CAMTA1: variants seen among roughly 807,000 people sequenced by gnomAD.
The protein encoded by CAMTA1 is calmodulin binding transcription activator 1.
In CAMTA1, 27 loss-of-function variants were observed where a neutral mutation model predicts 170.9. The ratio of observed to expected loss-of-function variants is 0.16; its 90% CI spans 0.12 to 0.22. CAMTA1 has a LOEUF of 0.22. Ranked by LOEUF, CAMTA1 falls within the 10% of genes least tolerant of loss-of-function variation. The probability of loss-of-function intolerance (pLI) is 1.00; values close to 1 mark genes in which losing one functional copy is unlikely to be tolerated. For synonymous variants in CAMTA1, 833 were observed against 891.5 expected (o/e 0.93, Z 1.17); for missense variants, 1,619 against 2,217.2 (o/e 0.73, Z 5.42).
intron 5 of CAMTA1, among the ~76,000 whole-genome samples, chr1:7,339,225 C>T (rs1022573320): frequency 3.3e-5 from 5 of 152,114 alleles, no homozygotes; most frequent in Non-Finnish European, 7.3e-5. Context: ...TGTGCAACTC[C>T]GTGAATATAC....
intron 3 of CAMTA1, among the ~76,000 whole-genome samples, chr1:7,083,325 C>T (rs550555822): frequency 2.0e-5 from 3 of 152,338 alleles, no homozygotes; most frequent in Non-Finnish European, 2.9e-5. Flanking sequence ...AGTAGAGCTA[C>T]GTTGCATTCC....
intron 5 of CAMTA1, among the ~76,000 whole-genome samples, chr1:7,449,690 A>C (rs913742656): frequency 1.3e-5 from 2 of 149,866 alleles, no homozygotes; most frequent in Non-Finnish European, 3.0e-5. Flanking sequence ...GAATCACTTG[A>C]ACCTGGGAGG....
At position 7,248,648 on chromosome 1, in the gene CAMTA1, CA is replaced by C. The variant is rs879871538; in HGVS notation, c.303-840del. ...TTTCTCTCCTTGGGGTTTCCAAACC[CA>C]AATATGTGACCTGACCACCGCATCT... On this transcript the variant is annotated intron_variant, in intron 4 of 22. Coordinates refer to ENST00000303635, the MANE Select transcript of CAMTA1 (RefSeq NM_015215.4). This position sits in a 1 kb window ranked among gnomAD's most constrained non-coding sequence, Gnocchi z 4.0. 2.0e-5 allele frequency among the ~76,000 whole-genome samples: 3 copies of C among 151,886 alleles called. No individual in the cohort carries two copies. The highest frequency in any genetic ancestry group is 4.4e-5 in the Non-Finnish European group (3 of 68,000).
At chr1:7,466,413 T>C (rs1469608500) in intron 5 of CAMTA1, among the ~76,000 whole-genome samples, 1 of 152,230 alleles carries the variant, frequency 6.6e-6, no homozygotes, top group Admixed American at 6.5e-5. Context: ...CTGATTTTCT[T>C]GCAGCCAGAA....
At chr1:7,758,957 A>G (rs1334243346) in intron 22 of CAMTA1, among the ~76,000 whole-genome samples, 1 of 138,884 alleles carries the variant, frequency 7.2e-6, no homozygotes, top group Non-Finnish European at 1.6e-5. Flanking sequence ...AAAAAAAAAG[A>G]TAATATACTT....
In CAMTA1 at chr1:7,680,861, C is replaced by CGCGCGCGCCAG. The variant is rs1553247057; in HGVS notation, c.2914+3128_2914+3129insGCGCGCGCCAG. On this transcript the variant is annotated intron_variant, in intron 11 of 22. Transcript: ENST00000303635. The surrounding 1 kb of genome is among the most constrained non-coding windows in gnomAD (Gnocchi z 4.4). The stretch of plus-strand genomic sequence containing the variant: ...GAGAACACGCGCGCGCGCGCGCGCG[C>CGCGCGCGCCAG]CAGCAGCAGCAGCAGCAGCAGCTGC... 7.3e-6 allele frequency among the ~76,000 whole-genome samples: 1 copy of CGCGCGCGCCAG among 136,510 alleles called. No homozygotes were observed. Among genetic ancestry groups the CGCGCGCGCCAG allele is most frequent in the South Asian group, 2.4e-4 (1 of 4,170 alleles). The allele number at this position is 136,510 out of a possible 152,430, so 89.6% of individuals were successfully genotyped here.
chr1:7,021,007 G>A lies in CAMTA1; in HGVS notation c.235-70297G>A, dbSNP rs1000307341. ...ATCCTGCAGGGGTGTGGGCCACCCC[G>A]GCCTCGGTGCACCCTGCTTTTGACC... On this transcript the variant is annotated intron_variant, in intron 3 of 22. Coordinates refer to ENST00000303635, the MANE Select transcript of CAMTA1 (RefSeq NM_015215.4). Among the ~76,000 whole-genome samples the A allele has an allele frequency of 4.6e-5, 7 of 152,226 alleles. No individual in the cohort carries two copies. The South Asian group carries it at 6.2e-4, about 13-fold the overall frequency.
intron 22 of CAMTA1, among the ~76,000 whole-genome samples, chr1:7,762,179 T>C (rs1243407983): frequency 6.6e-6 from 1 of 152,198 alleles, no homozygotes; most frequent in Non-Finnish European, 1.5e-5. Context: ...CAAGCAGGAA[T>C]AATTATTATT....
At chr1:7,360,999 G>T (rs1242370666) in intron 5 of CAMTA1, among the ~76,000 whole-genome samples, 1 of 151,908 alleles carries the variant, frequency 6.6e-6, no homozygotes, top group Non-Finnish European at 1.5e-5. Context: ...CTTGTCCCTG[G>T]AAAACGGGGC....
At chr1:6,897,223 G>C (rs939866966) in intron 3 of CAMTA1, among the ~76,000 whole-genome samples, 1 of 152,168 alleles carries the variant, frequency 6.6e-6, no homozygotes, top group Non-Finnish European at 1.5e-5. Context: ...GCCTGTTCAG[G>C]ATCAAGATGT....
intron 5 of CAMTA1, among the ~76,000 whole-genome samples, chr1:7,284,811 C>G (rs947244232): frequency 6.6e-6 from 1 of 152,240 alleles, no homozygotes; most frequent in African/African-American, 2.4e-5. Flanking sequence ...GGTCGTAACT[C>G]AACAACTTCC....
At chr1:6,846,466 G>A (rs1272494050) in intron 3 of CAMTA1, among the ~76,000 whole-genome samples, 1 of 152,220 alleles carries the variant, frequency 6.6e-6, no homozygotes, top group African/African-American at 2.4e-5. Flanking sequence ...GCCTGGGGCT[G>A]TAGTTGTACC....
At chr1:7,730,253 G>C (rs1045777419) in intron 11 of CAMTA1, among the ~76,000 whole-genome samples, 2 of 152,204 alleles carry the variant, frequency 1.3e-5, no homozygotes, top group Non-Finnish European at 2.9e-5. Flanking sequence ...GCTCTGCACA[G>C]CCATTCACTG....
intron 5 of CAMTA1, among the ~76,000 whole-genome samples, chr1:7,460,359 C>A (rs2093053908): frequency 6.6e-6 from 1 of 152,230 alleles, no homozygotes; most frequent in Non-Finnish European, 1.5e-5. Flanking sequence ...CCTCGGTACT[C>A]TGCCCTTAGC....
intron 5 of CAMTA1, among the ~76,000 whole-genome samples, chr1:7,433,623 G>A (rs573059591): frequency 6.6e-6 from 1 of 152,364 alleles, no homozygotes; most frequent in South Asian, 2.1e-4. Context: ...AGAGAACACT[G>A]CTGAGCAAAA....
chr1:6,938,810 C>T (rs1381239474), intron 3 of CAMTA1, among the ~76,000 whole-genome samples: 1 of 152,140 alleles, frequency 6.6e-6, no homozygotes, highest in Non-Finnish European at 1.5e-5. Flanking sequence ...TATAGACTGA[C>T]CAGTATTATG....
chr1:6,923,185 C>T (rs116508924), intron 3 of CAMTA1, among the ~76,000 whole-genome samples: 156 of 152,254 alleles, frequency 1.0e-3, no homozygotes, highest in African/African-American at 3.7e-3. Flanking sequence ...ACTTGTTGAG[C>T]GCTTGCTGTG....
intron 3 of CAMTA1, among the ~76,000 whole-genome samples, chr1:6,898,719 A>G (rs1041025550): frequency 6.6e-6 from 1 of 152,190 alleles, no homozygotes; most frequent in Non-Finnish European, 1.5e-5. Context: ...CAGGAAAGAT[A>G]CTGGAAAGAG....
intron 4 of CAMTA1, among the ~76,000 whole-genome samples, chr1:7,245,996 C>G (rs1665712132): frequency 6.6e-6 from 1 of 152,186 alleles, no homozygotes; most frequent in Admixed American, 6.5e-5. Flanking sequence ...GGCAGGGAAG[C>G]CTGAGATTGC....
Sources: gnomAD v4.1 joint callset for allele counts (sites outside exome capture counted in the v4.1 genomes callset) on GRCh38, gnomAD v4.1.1 for gene constraint, Gnocchi (gnomAD v3.1) non-coding constraint, MANE v1.5 for transcripts, NCBI Gene and HGNC (gene_info 2026-07-23, HGNC 2026-07-21) for gene names.